The following DLEC1 variants were observed in gnomAD, a reference collection of about 807,000 sequenced individuals.
The protein encoded by DLEC1 is DLEC1 cilia and flagella associated protein.
In DLEC1, 146 loss-of-function variants were observed where a neutral mutation model predicts 198.1. That is an observed-to-expected ratio of 0.74 (90% CI 0.64 to 0.85). The LOEUF is 0.85. DLEC1 is among the 40% of genes least tolerant of loss of function. The pLI, the probability that DLEC1 is intolerant of heterozygous loss-of-function variation, is 0.00. For missense variants in DLEC1, 2,233 were observed against 2,220.0 expected (o/e 1.01, Z -0.12); for synonymous variants, 897 against 866.8 (o/e 1.03, Z -0.61).
At chr3:38,122,265 T>A in intron 36 of DLEC1, 24 bp from the exon 37 acceptor site, 2 of 1,607,830 alleles carry the variant, frequency 1.2e-6, no homozygotes, top group South Asian at 1.1e-5. Context: ...CCTCCTAACC[T>A]CAGCCCCCAC....
Position 38,116,822 on chromosome 3 carries a change from C to T in DLEC1, c.4112C>T (p.Ser1371Leu). The T allele has an allele frequency of 6.2e-7, 1 of 1,613,830 alleles. No homozygotes were observed. Among genetic ancestry groups the T allele is most frequent in the Non-Finnish European group, 8.5e-7 (1 of 1,179,898 alleles). The stretch of plus-strand genomic sequence containing the variant: ...AATAGGGTGGCACAGAAGCTCATCT[C>T]AGTCATCCTGCAGGCACATGAGGGG... ...ASNRVAQKLI[S>L]VILQAHEGVP... The change falls in exon 29 of 37, where the codon TCA becomes TTA. Residue 1371 changes from serine (S) to leucine (L), a missense_variant. Physicochemically the swap from Ser to Leu is moderately radical, Grantham distance 145. Coordinates refer to ENST00000308059, the MANE Select transcript of DLEC1 (RefSeq NM_007335.4).
chr3:38,048,458 A>G (rs952961829), intron 2 of DLEC1, among the ~76,000 whole-genome samples: 7 of 152,386 alleles, frequency 4.6e-5, no homozygotes, highest in African/African-American at 1.7e-4. Flanking sequence ...CTTAAAAGGC[A>G]TTTAAACTTA....
chr3:38,045,503 T>A, intron 1 of DLEC1, 40 bp from the exon 2 acceptor site: 1 of 1,595,288 alleles, frequency 6.3e-7, no homozygotes, highest in Non-Finnish European at 8.5e-7. Context: ...TGGTAAGTAA[T>A]CTCACCATAT....
At position 38,107,643 on chromosome 3, in the gene DLEC1, T is replaced by G. The variant is rs1316573188; in HGVS notation, c.2924T>G (p.Val975Gly). The change falls in exon 20 of 37, where the codon GTG (valine) becomes GGG (glycine). Residue 975 changes from valine to glycine, a missense_variant. Physicochemically the swap from Val to Gly is moderately radical, Grantham distance 109. Transcript: ENST00000308059. The stretch of plus-strand genomic sequence containing the variant: ...CATGTGTACCTACAGAGCAGCCAGG[T>G]GGAGGTTAGAAATCTCTACCTGGGT... ...KPHVYLQSSQVEVRNLYLGVP... is the reference protein window; with the variant it reads ...KPHVYLQSSQGEVRNLYLGVP... 6.2e-7 allele frequency: 1 copy of G among 1,614,006 alleles called. No homozygotes were observed. The highest frequency in any genetic ancestry group is 2.2e-5 in the East Asian group (1 of 44,882).
intron 6 of DLEC1, among the ~76,000 whole-genome samples, chr3:38,078,548 G>A (rs973628931): frequency 1.3e-5 from 2 of 152,144 alleles, no homozygotes; most frequent in African/African-American, 2.4e-5. Flanking sequence ...AGCAGGGAGA[G>A]CACGTGTGTT....
rs767843740 is a variant in DLEC1, at chr3:38,117,926, G to A, written c.4606G>A (p.Asp1536Asn). 7 of 1,614,034 alleles carry A rather than the reference G, an allele frequency of 4.3e-6. No homozygotes were observed. In the Admixed American group the frequency reaches 6.7e-5, roughly 15 times the overall value. The change falls in exon 33 of 37, where the codon GAC (aspartate) becomes AAC (asparagine). Residue 1536 changes from aspartate to asparagine, a missense_variant. Asp to Asn is a conservative substitution (Grantham distance 23). Coordinates refer to ENST00000308059, the MANE Select transcript of DLEC1 (RefSeq NM_007335.4). ...FSVSQDGASQ[D>N]HRAPGPGQKQ... Reference sequence around the variant, plus strand: ...CGTTTCTCAAGATGGGGCGAGCCAGGACCACAGAGCTCCTGGCCCTGGCCA... The same window carrying A: ...CGTTTCTCAAGATGGGGCGAGCCAGAACCACAGAGCTCCTGGCCCTGGCCA...
chr3:38,093,776 C>A lies in DLEC1; in HGVS notation c.1919+9C>A. On this transcript the variant is annotated intron_variant, in intron 12 of 36. Transcript: ENST00000308059. ...ATTATTAGAAATGCTACGTGGGTAA[C>A]CCCTGTGTGTGCCCCAATACCCAAC... is the stretch of plus-strand genomic sequence containing the variant. The A allele has an allele frequency of 6.2e-7, 1 of 1,613,442 alleles. No individual in the cohort carries two copies. Among genetic ancestry groups the A allele is most frequent in the Non-Finnish European group, 8.5e-7 (1 of 1,179,864 alleles).
chr3:38,071,529 G>C (rs1697316537), intron 6 of DLEC1, among the ~76,000 whole-genome samples: 1 of 152,262 alleles, frequency 6.6e-6, no homozygotes, highest in South Asian at 2.1e-4. Flanking sequence ...TGTGGGAAGA[G>C]ATTGATAGGT....
intron 33 of DLEC1, among the ~76,000 whole-genome samples, chr3:38,118,233 C>T (rs1471118728): frequency 6.6e-6 from 1 of 152,186 alleles, no homozygotes; most frequent in Non-Finnish European, 1.5e-5. Context: ...TGGGCATGGC[C>T]ACACCAGACG....
At chr3:38,074,524 C>T (rs950481100) in intron 6 of DLEC1, among the ~76,000 whole-genome samples, 3 of 152,156 alleles carry the variant, frequency 2.0e-5, no homozygotes, top group Non-Finnish European at 4.4e-5. Context: ...TTTCTTTAAG[C>T]TTGTCAGAAT....
In DLEC1 at chr3:38,039,471, G is replaced by T. The variant is rs772218619; in HGVS notation, c.246G>T (p.Leu82=). 1 of 1,614,036 alleles carries T rather than the reference G, an allele frequency of 6.2e-7. No homozygotes were observed. The highest frequency in any genetic ancestry group is 8.5e-7 in the Non-Finnish European group (1 of 1,179,876). Residue 82 remains leucine, a synonymous_variant, in exon 1 of 37, where the codon CTG becomes CTT. Coordinates refer to ENST00000308059, the MANE Select transcript of DLEC1 (RefSeq NM_007335.4). The part of the protein sequence containing the change: ...AQRPEPQLLR[L]RPSSLRTQDI... ...GTCCCGAGCCTCAGCTGCTTCGTCT[G>T]CGCCCCTCCTCGCTGCGCACCCAAG...
chr3:38,084,035 A>C (rs140518201), intron 6 of DLEC1, 123 bp from the exon 7 acceptor site: 8 of 855,508 alleles, frequency 9.4e-6, no homozygotes, highest in African/African-American at 1.7e-5. Flanking sequence ...AGTTACCAAC[A>C]TGTGGCCAAG....
In DLEC1 at chr3:38,116,586, T is replaced by C; in HGVS notation, c.3990T>C (p.Pro1330=). The C allele has an allele frequency of 6.2e-7, 1 of 1,614,096 alleles. No homozygotes were observed. Among genetic ancestry groups the C allele is most frequent in the Non-Finnish European group, 8.5e-7 (1 of 1,179,980 alleles). ...AGNELVCPDT[P]EGGCLLWSPG... Reference sequence around the variant, plus strand: ...ATGAGCTTGTGTGCCCTGATACCCCTGAGGGTGGCTGCCTCCTCTGGTCCC... The same window carrying C: ...ATGAGCTTGTGTGCCCTGATACCCCCGAGGGTGGCTGCCTCCTCTGGTCCC... Residue 1330 remains proline (P), a synonymous_variant, in exon 28 of 37, where the codon CCT becomes CCC. Coordinates refer to ENST00000308059, the MANE Select transcript of DLEC1 (RefSeq NM_007335.4).
intron 2 of DLEC1, among the ~76,000 whole-genome samples, chr3:38,057,952 G>A (rs1412485068): frequency 6.6e-6 from 1 of 151,996 alleles, no homozygotes; most frequent in South Asian, 2.1e-4. Flanking sequence ...GAGTAGCTGG[G>A]ACTATAGGCG....
Position 38,039,461 on chromosome 3 carries a change from T to C in DLEC1, c.236T>C (p.Leu79Pro), listed in dbSNP as rs7625806. The C allele has an allele frequency of 1.9e-6, 3 of 1,613,874 alleles. No homozygotes were observed. Among genetic ancestry groups the C allele is most frequent in the Middle Eastern group, 1.7e-4 (1 of 6,060 alleles). Reference protein sequence around the residue: ...LALAQRPEPQLLRLRPSSLRT... With the variant: ...LALAQRPEPQPLRLRPSSLRT... Reference sequence around the variant, plus strand: ...CTGGCGCAGCGTCCCGAGCCTCAGCTGCTTCGTCTGCGCCCCTCCTCGCTG... The same window carrying C: ...CTGGCGCAGCGTCCCGAGCCTCAGCCGCTTCGTCTGCGCCCCTCCTCGCTG... Residue 79 changes from leucine to proline, a missense_variant, in exon 1 of 37, where the codon CTG becomes CCG. By Grantham distance (98) the Leu-to-Pro change is moderately conservative. Coordinates refer to ENST00000308059, the MANE Select transcript of DLEC1 (RefSeq NM_007335.4).
At chr3:38,118,942 A>T (rs909208797) in intron 33 of DLEC1, among the ~76,000 whole-genome samples, 2 of 152,124 alleles carry the variant, frequency 1.3e-5, no homozygotes, top group Non-Finnish European at 2.9e-5. Flanking sequence ...GGACCTCATC[A>T]TGGAGGTCAG....
In DLEC1 at chr3:38,045,695, T is replaced by A. The variant is rs950847373; in HGVS notation, c.562+2T>A. 1.3e-5 allele frequency: 21 copies of A among 1,609,444 alleles called. No homozygotes were observed. Among genetic ancestry groups the A allele is most frequent in the Non-Finnish European group, 1.6e-5 (19 of 1,178,346 alleles). The stretch of plus-strand genomic sequence containing the variant: ...AGAGCCTTGTCAGGTTGCCTCCAGG[T>A]GTGTATAAAGAACTCCCACATGCCT... On this transcript the variant is annotated splice_donor_variant, in intron 2 of 36. Coordinates refer to ENST00000308059, the MANE Select transcript of DLEC1 (RefSeq NM_007335.4). LOFTEE classifies it high-confidence loss of function.
rs143707803 is a variant in DLEC1, at chr3:38,084,172, G to A, written c.1188G>A (p.Leu396=). Residue 396 remains leucine, a synonymous_variant, in exon 7 of 37, where the codon CTG becomes CTA. Coordinates refer to ENST00000308059, the MANE Select transcript of DLEC1 (RefSeq NM_007335.4). ...IGPVYEMVIA[L]QNTTTTSRYL... Reference sequence around the variant, plus strand: ...CCTTTCAACAGATGGTAATTGCGCTGCAGAACACCACCACGACCAGCCGCT... The same window carrying A: ...CCTTTCAACAGATGGTAATTGCGCTACAGAACACCACCACGACCAGCCGCT... 4.3e-5 allele frequency: 70 copies of A among 1,612,992 alleles called. No homozygotes were observed. The Admixed American group carries it at 1.1e-3, about 25-fold the overall frequency.
intron 3 of DLEC1, among the ~76,000 whole-genome samples, chr3:38,061,845 T>C (rs971825626): frequency 1.4e-4 from 22 of 152,168 alleles, no homozygotes; most frequent in African/African-American, 4.8e-4. Context: ...TTTTTAAATT[T>C]ATTTTTTGTA....
Sources: gnomAD v4.1 joint callset for allele counts (sites outside exome capture counted in the v4.1 genomes callset) on GRCh38, gnomAD v4.1.1 for gene constraint, MANE v1.5 for transcripts, NCBI Gene and HGNC (gene_info 2026-07-23, HGNC 2026-07-21) for gene names.